Variants in CERKL observed in about 807,000 individuals in gnomAD.
CERKL encodes ceramide kinase-like protein.
Under a neutral mutation model 63.4 loss-of-function variants are expected in CERKL, and 61 were observed. The ratio of observed to expected loss-of-function variants is 0.96; its 90% CI spans 0.78 to 1.19. The LOEUF is 1.19. Ranked by LOEUF, CERKL falls within the 50% of genes most tolerant of loss-of-function variation. The pLI is 0.00. For synonymous variants in CERKL, 250 were observed against 230.5 expected (o/e 1.08, Z -0.77); for missense variants, 675 against 655.5 (o/e 1.03, Z -0.33).
intron 8 of CERKL, 142 bp from the exon 9 acceptor site, chr2:181,547,989 G>A (rs1687810600): frequency 4.2e-6 from 3 of 713,458 alleles, no homozygotes; most frequent in Non-Finnish European, 6.4e-6. Flanking sequence ...TAGATAGTAA[G>A]TAAAAACGTA....
intron 2 of CERKL, 154 bp downstream of exon 2, chr2:181,603,679 GTATT>G (rs1409797696): frequency 2.6e-6 from 2 of 782,436 alleles, no homozygotes; most frequent in Non-Finnish European, 4.6e-6. Context: ...TGTAGAAAAA[GTATT>G]TAGCAAATTT....
chr2:181,537,164 T>C lies in CERKL; in HGVS notation c.*1020A>G, dbSNP rs1356522024. ...CGTTATAAAAAGGCTAGTCATTCTT[T>C]CAGGAGAACATCTAGGATCATAGAT... is the stretch of plus-strand genomic sequence containing the variant. On this transcript the variant is annotated 3_prime_UTR_variant, in exon 13 of 13. Transcript: ENST00000410087. 4.4e-6 allele frequency: 2 copies of C among 453,962 alleles called. No individual in the cohort carries two copies. The highest frequency in any genetic ancestry group is 4.7e-5 in the Admixed American group (2 of 42,542). 28.1% of individuals were successfully genotyped at this position (453,962 alleles called of 1,614,324 possible).
At chr2:181,557,975 C>T (rs181847368) in intron 5 of CERKL, among the ~76,000 whole-genome samples, 1 of 152,272 alleles carries the variant, frequency 6.6e-6, no homozygotes, top group East Asian at 1.9e-4. Context: ...ATAGGCTTCA[C>T]TGAGCATCAC....
intron 1 of CERKL, among the ~76,000 whole-genome samples, chr2:181,614,039 T>A (rs1686084422): frequency 1.3e-5 from 2 of 152,200 alleles, no homozygotes; most frequent in African/African-American, 4.8e-5. Flanking sequence ...GTTTAATGAG[T>A]TATCAGATTA....
chr2:181,568,217 G>A (rs1160350836), intron 3 of CERKL, among the ~76,000 whole-genome samples: 1 of 152,110 alleles, frequency 6.6e-6, no homozygotes, highest in Non-Finnish European at 1.5e-5. Flanking sequence ...AACATTTCTT[G>A]GTTTGGTGAT....
At chr2:181,635,342 A>C (rs960238634) in intron 1 of CERKL, among the ~76,000 whole-genome samples, 1 of 152,192 alleles carries the variant, frequency 6.6e-6, no homozygotes, top group Non-Finnish European at 1.5e-5. Context: ...AAAAATAAAA[A>C]TAACTTTTAG....
chr2:181,557,330 A>T (rs1321783402), intron 5 of CERKL, among the ~76,000 whole-genome samples: 1 of 152,028 alleles, frequency 6.6e-6, no homozygotes, highest in Non-Finnish European at 1.5e-5. Context: ...CTATGTCCTG[A>T]ATGGTATTGC....
At chr2:181,592,848 C>T (rs1247026959) in intron 2 of CERKL, among the ~76,000 whole-genome samples, 1 of 152,044 alleles carries the variant, frequency 6.6e-6, no homozygotes, top group African/African-American at 2.4e-5. Flanking sequence ...CCATGACACA[C>T]CAAGAAATCA....
chr2:181,655,938 TATGA>T (rs770725306), intron 1 of CERKL, among the ~76,000 whole-genome samples: 118 of 152,294 alleles, frequency 7.7e-4, no homozygotes, highest in Admixed American at 4.3e-3. Context: ...AATAAGACTA[TATGA>T]AAGTCTACTT....
At chr2:181,539,501 C>A (rs1687391563) in intron 11 of CERKL, among the ~76,000 whole-genome samples, 1 of 152,050 alleles carries the variant, frequency 6.6e-6, no homozygotes. Flanking sequence ...ACAAATAGTA[C>A]ATATCTGTGA....
At chr2:181,548,219 G>C (rs1312239532) in intron 8 of CERKL, 1 of 509,518 alleles carries the variant, frequency 2.0e-6, no homozygotes, top group Non-Finnish European at 3.4e-6. Context: ...GCATATAGTA[G>C]GCACTCAAAA....
At chr2:181,628,007 A>G (rs779808016) in intron 1 of CERKL, among the ~76,000 whole-genome samples, 7 of 152,240 alleles carry the variant, frequency 4.6e-5, no homozygotes, top group Non-Finnish European at 1.0e-4. Context: ...TATGTAAAAT[A>G]AGATACACGA....
rs143651799 is a variant in CERKL, at chr2:181,623,165, A to G, written c.239-19086T>C. On this transcript the variant is annotated intron_variant, in intron 1 of 12. Transcript: ENST00000410087. ...ATGTAGTAAAAATTTTAAGTAGATT[A>G]AAATAGTGATAATATCTTTTAGATT... is the stretch of plus-strand genomic sequence containing the variant. Among the ~76,000 whole-genome samples the G allele has an allele frequency of 3.4e-3, 516 of 152,366 alleles. 2 individuals are homozygous for G. Among genetic ancestry groups the G allele is most frequent in the African/African-American group, 0.011 (477 of 41,598 alleles).
chr2:181,557,184 G>C (rs1688249563), intron 5 of CERKL, among the ~76,000 whole-genome samples: 1 of 152,136 alleles, frequency 6.6e-6, no homozygotes, highest in Non-Finnish European at 1.5e-5. Flanking sequence ...CTCCCTTTCT[G>C]TAGGTTGCCT....
chr2:181,576,646 C>T (rs1169913372), intron 2 of CERKL, among the ~76,000 whole-genome samples: 2 of 152,314 alleles, frequency 1.3e-5, no homozygotes, highest in Non-Finnish European at 2.9e-5. Flanking sequence ...ACTCTGGCTG[C>T]TTTGCGGAAA....
Position 181,548,836 on chromosome 2 carries a change from A to G in CERKL, c.917T>C (p.Val306Ala). 8 of 1,613,984 alleles carry G rather than the reference A, an allele frequency of 5.0e-6. No homozygotes were observed. Among genetic ancestry groups the G allele is most frequent in the Non-Finnish European group, 6.8e-6 (8 of 1,179,922 alleles). Residue 306 changes from valine (V) to alanine (A), a missense_variant, in exon 7 of 13, where the codon GTC (valine) becomes GCC (alanine). Transcript: ENST00000410087. The part of the protein sequence containing the change: ...IIMGHVQLVD[V>A]CTFSTAGKLL... Reference sequence around the variant, plus strand: ...CTTGCCAGCGGTGCTGAAGGTGCAGACGTCGACCAGCTGTACATGCCCTTG... The same window carrying G: ...CTTGCCAGCGGTGCTGAAGGTGCAGGCGTCGACCAGCTGTACATGCCCTTG...
Position 181,598,320 on chromosome 2 carries a change from C to G in CERKL, c.481+5517G>C, listed in dbSNP as rs146690776. On this transcript the variant is annotated intron_variant, in intron 2 of 12. Coordinates refer to ENST00000410087, the MANE Select transcript of CERKL (RefSeq NM_201548.5). ...GTGGTTGCCTTCAGAGGGGCATATG[C>G]ATAACCTACAGACAGACTATGGCTG... Among the ~76,000 whole-genome samples, 579 of 152,254 alleles carry G rather than the reference C, an allele frequency of 3.8e-3. 8 individuals carry two copies. Among genetic ancestry groups the G allele is most frequent in the African/African-American group, 0.013 (540 of 41,538 alleles).
At chr2:181,578,435 G>A (rs986830835) in intron 2 of CERKL, among the ~76,000 whole-genome samples, 1 of 152,060 alleles carries the variant, frequency 6.6e-6, no homozygotes, top group African/African-American at 2.4e-5. Flanking sequence ...AAGTAGCTGG[G>A]ACCACAGGCA....
intron 5 of CERKL, among the ~76,000 whole-genome samples, chr2:181,555,089 C>A (rs889891224): frequency 1.4e-4 from 21 of 152,096 alleles, no homozygotes; most frequent in Admixed American, 2.6e-4. Context: ...AAACTAAATG[C>A]TATTTCTTTA....
Sources: allele counts gnomAD v4.1 joint callset (sites outside exome capture counted in the v4.1 genomes callset), GRCh38; gene constraint gnomAD v4.1.1; transcripts MANE v1.5; gene names NCBI Gene and HGNC (gene_info 2026-07-23, HGNC 2026-07-21).